The following DTNA variants were observed in gnomAD, a reference collection of about 807,000 sequenced individuals.
DTNA encodes dystrophin-related protein 3.
In DTNA, 43 loss-of-function variants were observed where a neutral mutation model predicts 100.7. The ratio of observed to expected loss-of-function variants is 0.43; its 90% CI spans 0.33 to 0.55. The LOEUF (loss-of-function observed/expected upper bound fraction) is 0.55. Among genes scored for constraint, DTNA ranks in the 20% least tolerant of loss-of-function variants. The probability of loss-of-function intolerance (pLI) is 0.04; values close to 1 mark genes in which losing one functional copy is unlikely to be tolerated. For missense variants in DTNA, 798 were observed against 953.9 expected (o/e 0.84, Z 2.15); for synonymous variants, 349 against 347.9 (o/e 1.00, Z -0.04).
intron 1 of DTNA, among the ~76,000 whole-genome samples, chr18:34,704,134 A>G (rs746142673): frequency 2.0e-5 from 3 of 152,220 alleles, no homozygotes; most frequent in South Asian, 2.1e-4. Context: ...GGTACATGAC[A>G]TCGCATTTGC....
At chr18:34,569,796 G>A (rs910905381) in intron 1 of DTNA, among the ~76,000 whole-genome samples, 2 of 151,996 alleles carry the variant, frequency 1.3e-5, no homozygotes, top group African/African-American at 4.8e-5. Context: ...GCCTTTAGCT[G>A]ATGGGATGAG....
chr18:34,822,218 G>A (rs570676332), intron 9 of DTNA: 31 of 152,318 alleles, frequency 2.0e-4, no homozygotes, highest in African/African-American at 7.2e-4. Context: ...TCTGGGGAAT[G>A]TCCCAAAGGG....
intron 1 of DTNA, among the ~76,000 whole-genome samples, chr18:34,702,076 T>C (rs991177991): frequency 3.4e-5 from 5 of 145,196 alleles, no homozygotes; most frequent in African/African-American, 1.4e-4. Flanking sequence ...TCCTGGTCCC[T>C]GTGTGACCCT....
intron 1 of DTNA, among the ~76,000 whole-genome samples, chr18:34,752,139 A>C (rs1399510035): frequency 6.6e-6 from 1 of 152,210 alleles, no homozygotes; most frequent in Admixed American, 6.5e-5. Flanking sequence ...ACAAAAACTG[A>C]CCAAATTGGG....
chr18:34,584,656 A>G (rs2048949745), intron 1 of DTNA, among the ~76,000 whole-genome samples: 1 of 152,200 alleles, frequency 6.6e-6, no homozygotes, highest in Non-Finnish European at 1.5e-5. Flanking sequence ...CTAAAAGTAC[A>G]TAACAAAATT....
intron 1 of DTNA, among the ~76,000 whole-genome samples, chr18:34,742,845 T>C (rs1568379400): frequency 6.6e-6 from 1 of 152,106 alleles, no homozygotes; most frequent in Non-Finnish European, 1.5e-5. Context: ...TTTATTATTA[T>C]TGTTATGACA....
At chr18:34,862,140 A>AAAAAAAG (rs1555881848) in intron 16 of DTNA, among the ~76,000 whole-genome samples, 3 of 146,928 alleles carry the variant, frequency 2.0e-5, no homozygotes, top group African/African-American at 5.1e-5. Flanking sequence ...AAAAAAAAAA[A>AAAAAAAG]AAAGAGAAAG....
At chr18:34,592,973 TC>T (rs1453303195) in intron 1 of DTNA, among the ~76,000 whole-genome samples, 7 of 152,222 alleles carry the variant, frequency 4.6e-5, no homozygotes, top group Non-Finnish European at 1.0e-4. Flanking sequence ...TGCCTTGCTT[TC>T]TGCTTCCAGG....
intron 17 of DTNA, among the ~76,000 whole-genome samples, chr18:34,869,882 G>A (rs191842885): frequency 8.7e-4 from 132 of 152,268 alleles, no homozygotes; most frequent in African/African-American, 3.0e-3. Flanking sequence ...TTAGCCGGGC[G>A]TGGTGGCAGG....
At chr18:34,650,833 A>G (rs574155454) in intron 1 of DTNA, among the ~76,000 whole-genome samples, 1 of 152,338 alleles carries the variant, frequency 6.6e-6, no homozygotes, top group East Asian at 1.9e-4. Context: ...TTTTACTGTC[A>G]GATTAAGAAT....
intron 1 of DTNA, among the ~76,000 whole-genome samples, chr18:34,630,343 T>C (rs1244559577): frequency 1.3e-5 from 2 of 152,172 alleles, no homozygotes; most frequent in East Asian, 3.9e-4. Flanking sequence ...CCTGAATTCA[T>C]AAAATCATAA....
chr18:34,747,104 C>CTATCTATCTATATATA (rs1041438583), intron 1 of DTNA, among the ~76,000 whole-genome samples: 28 of 148,226 alleles, frequency 1.9e-4, no homozygotes, highest in African/African-American at 6.3e-4. Context: ...ATATCTGTAT[C>CTATCTATCTATATATA]TATATATATA....
chr18:34,570,446 G>C (rs1411446771), intron 1 of DTNA, among the ~76,000 whole-genome samples: 1 of 152,078 alleles, frequency 6.6e-6, no homozygotes, highest in Non-Finnish European at 1.5e-5. Flanking sequence ...TTGAAAGCAG[G>C]GACAGAGTCT....
At chr18:34,826,898 A>C (rs1263816025) in intron 9 of DTNA, among the ~76,000 whole-genome samples, 1 of 152,192 alleles carries the variant, frequency 6.6e-6, no homozygotes, top group African/African-American at 2.4e-5. Flanking sequence ...GACAGACTCC[A>C]TGCAGTTGGT....
chr18:34,838,871 G>A (rs1371718350), intron 13 of DTNA, 34 bp downstream of exon 13: 1 of 1,583,734 alleles, frequency 6.3e-7, no homozygotes, highest in African/African-American at 1.3e-5. Flanking sequence ...ACTGTCCTTA[G>A]AGAGGGATAC....
chr18:34,830,464 G>A lies in DTNA; in HGVS notation c.1175+975G>A, dbSNP rs534777979. Among the ~76,000 whole-genome samples, 7 of 152,148 alleles carry A rather than the reference G, an allele frequency of 4.6e-5. 1 individual carries two copies. Among genetic ancestry groups the A allele is most frequent in the African/African-American group, 1.7e-4 (7 of 41,504 alleles). ...CCACTTTGATCTTCAAAAGACACAG[G>A]GATATAACTTTGAAGTCTTTTGACA... On this transcript the variant is annotated intron_variant, in intron 11 of 22. Coordinates refer to ENST00000444659, the MANE Select transcript of DTNA (RefSeq NM_001386795.1).
chr18:34,703,100 G>T (rs1600478318), intron 1 of DTNA, among the ~76,000 whole-genome samples: 2 of 152,146 alleles, frequency 1.3e-5, no homozygotes, highest in African/African-American at 4.8e-5. Context: ...ATAACAGTAT[G>T]GTTAGGAAAG....
chr18:34,502,988 C>T (rs373768794), intron 1 of DTNA, among the ~76,000 whole-genome samples: 12 of 152,216 alleles, frequency 7.9e-5, no homozygotes, highest in African/African-American at 2.9e-4. Flanking sequence ...TTGTCTATTT[C>T]TCGCTTCACT....
At position 34,886,747 on chromosome 18, in the gene DTNA, T is replaced by G. The variant is rs540258409; in HGVS notation, c.*32-1019T>G. 3.9e-5 allele frequency among the ~76,000 whole-genome samples: 6 copies of G among 152,310 alleles called. 1 individual carries two copies. The South Asian group carries it at 1.2e-3, about 32-fold the overall frequency. On this transcript the variant is annotated intron_variant, in intron 22 of 22. Coordinates refer to ENST00000444659, the MANE Select transcript of DTNA (RefSeq NM_001386795.1). ...ATCCTGTAGCCTACCTAGCTGGAAT[T>G]CCACAGAACTCTGAACAAGAACCAG...
Sources: gnomAD v4.1 joint callset for allele counts (sites outside exome capture counted in the v4.1 genomes callset) on GRCh38, gnomAD v4.1.1 for gene constraint, MANE v1.5 for transcripts, NCBI Gene and HGNC (gene_info 2026-07-23, HGNC 2026-07-21) for gene names.